Variants in ZNF484 observed in about 807,000 individuals in gnomAD.
ZNF484 encodes zinc finger protein 484, also known as KRAB box containing C2H2 type zinc finger bA526D8.4.
In ZNF484, 11 loss-of-function variants were observed where a neutral mutation model predicts 12.9. The observed-to-expected ratio is 0.85, with a 90% CI of 0.54 to 1.41. ZNF484 has a LOEUF of 1.41. Ranked by LOEUF, ZNF484 falls within the 40% of genes most tolerant of loss-of-function variation. ZNF484 has a pLI of 0.00. For synonymous variants in ZNF484, 289 were observed against 334.1 expected, an observed-to-expected ratio of 0.86 and a Z score of 1.47; for missense variants, 807 against 1,007.7, an observed-to-expected ratio of 0.80 and a Z score of 2.70.
Position 92,847,185 on chromosome 9 carries a change from G to T in ZNF484, c.1602C>A (p.Thr534=), listed in dbSNP as rs1303576803. Residue 534 remains threonine (T), a synonymous_variant, in exon 5 of 5, where the codon ACC becomes ACA. Coordinates refer to ENST00000375495, the MANE Select transcript of ZNF484 (RefSeq NM_031486.4). ...YKCSDCGKSF[T]WKSRLRIHQK... The stretch of plus-strand genomic sequence containing the variant: ...GATGTATCCTGAGCCGAGACTTCCA[G>T]GTGAATGATTTTCCACAGTCGCTGC... The T allele has an allele frequency of 6.2e-7, 1 of 1,613,592 alleles. No homozygotes were observed. Among genetic ancestry groups the T allele is most frequent in the Admixed American group, 1.7e-5 (1 of 59,990 alleles).
intron 2 of ZNF484, among the ~76,000 whole-genome samples, chr9:92,863,274 T>G (rs1587753028): frequency 1.3e-4 from 11 of 87,858 alleles, no homozygotes; most frequent in Admixed American, 1.6e-4. Context: ...TGGGGAAGGG[T>G]GGGGGGTGGG....
intron 2 of ZNF484, among the ~76,000 whole-genome samples, chr9:92,864,293 G>A (rs1174109065): frequency 6.6e-6 from 1 of 152,092 alleles, no homozygotes; most frequent in African/African-American, 2.4e-5. Flanking sequence ...AGTTTTTAAA[G>A]GAGAAGGTGT....
rs10429560 is a variant in ZNF484, at chr9:92,851,659, G to C, written c.236-3108C>G. Among the ~76,000 whole-genome samples, 1,061 of 152,314 alleles carry C rather than the reference G, an allele frequency of 7.0e-3. 10 individuals are homozygous for C. The highest frequency in any genetic ancestry group is 0.022 in the African/African-American group (898 of 41,564). ...CCCGGTGTTATGGCCATCGAAAAGG[G>C]ACTAACACACATCTTTCCATTAGTC... On this transcript the variant is annotated intron_variant, in intron 4 of 4. Coordinates refer to ENST00000375495, the MANE Select transcript of ZNF484 (RefSeq NM_031486.4).
chr9:92,846,643 G>A lies in ZNF484; in HGVS notation c.2144C>T (p.Thr715Ile). ...ATTACAAATATAGGGTTTCTCTCCT[G>A]TATGAATTCTCTGATGCATAATTAG... The part of the protein sequence containing the change: ...STLIMHQRIH[T>I]GEKPYICNEC... Residue 715 changes from threonine (T) to isoleucine (I), a missense_variant, in exon 5 of 5, where the codon ACA becomes ATA. Transcript: ENST00000375495. 1.2e-6 allele frequency: 2 copies of A among 1,613,936 alleles called. No individual in the cohort carries two copies. Among genetic ancestry groups the A allele is most frequent in the Non-Finnish European group, 1.7e-6 (2 of 1,180,002 alleles).
At chr9:92,849,375 CATTT>C (rs1855918406) in intron 4 of ZNF484, among the ~76,000 whole-genome samples, 1 of 151,708 alleles carries the variant, frequency 6.6e-6, no homozygotes. Context: ...TATAATAACT[CATTT>C]ATATATAATA....
At chr9:92,872,942 A>T (rs867155338) in intron 2 of ZNF484, among the ~76,000 whole-genome samples, 34 of 152,200 alleles carry the variant, frequency 2.2e-4, no homozygotes, top group African/African-American at 8.2e-4. Flanking sequence ...TCAACTTAGA[A>T]TTTTGGATCA....
chr9:92,851,237 G>A (rs1179265038), intron 4 of ZNF484, among the ~76,000 whole-genome samples: 2 of 152,232 alleles, frequency 1.3e-5, no homozygotes, highest in Non-Finnish European at 2.9e-5. Flanking sequence ...GTTCTATGAA[G>A]CTGGCAATGC....
At chr9:92,875,310 T>C (rs1323276) in intron 1 of ZNF484, among the ~76,000 whole-genome samples, 13,651 of 152,250 alleles carry the variant, frequency 0.09, 832 homozygotes, top group East Asian at 0.29. Context: ...TTAAATACTT[T>C]ATAAAATATC....
At chr9:92,867,286 G>T (rs111433723) in intron 2 of ZNF484, among the ~76,000 whole-genome samples, 2,023 of 152,222 alleles carry the variant, frequency 0.013, 52 homozygotes, top group African/African-American at 0.047. Flanking sequence ...AGAACCTCCT[G>T]GCTAACACAG....
chr9:92,868,095 G>A (rs1410985448), intron 2 of ZNF484, among the ~76,000 whole-genome samples: 1 of 152,132 alleles, frequency 6.6e-6, no homozygotes, highest in African/African-American at 2.4e-5. Context: ...TCACTATTCT[G>A]GAGGTCATAT....
At chr9:92,869,153 A>C (rs1008817278) in intron 2 of ZNF484, among the ~76,000 whole-genome samples, 1 of 152,074 alleles carries the variant, frequency 6.6e-6, no homozygotes, top group African/African-American at 2.4e-5. Context: ...TAAGCACTAT[A>C]TTAATGTTTA....
At chr9:92,860,216 G>A (rs1213722518) in intron 2 of ZNF484, among the ~76,000 whole-genome samples, 2 of 152,210 alleles carry the variant, frequency 1.3e-5, no homozygotes, top group African/African-American at 4.8e-5. Context: ...AGCAAGGCCT[G>A]CAGGACATTC....
Position 92,847,083 on chromosome 9 carries a change from A to T in ZNF484, c.1704T>A (p.Ser568Arg), listed in dbSNP as rs777852987. The T allele has an allele frequency of 1.9e-5, 31 of 1,613,908 alleles. No individual in the cohort carries two copies. The highest frequency in any genetic ancestry group is 1.9e-5 in the Non-Finnish European group (22 of 1,180,014). ...CCCCTCTATGAATTCTCTGGTGCAT[A>T]CTTAATGTTGACTTCTGAATGAATG... ...GKAFIQKSTL[S>R]MHQRIHRGEK... Residue 568 changes from serine to arginine, a missense_variant, in exon 5 of 5, where the codon AGT becomes AGA. By Grantham distance (110) the Ser-to-Arg change is moderately radical (BLOSUM62 -1). Transcript: ENST00000375495.
intron 4 of ZNF484, among the ~76,000 whole-genome samples, chr9:92,854,545 G>C (rs1228851409): frequency 6.6e-6 from 1 of 152,034 alleles, no homozygotes; most frequent in Non-Finnish European, 1.5e-5. Flanking sequence ...GTGAAACCCC[G>C]TCTCTACTAA....
chr9:92,865,028 C>G (rs56206629), intron 2 of ZNF484, among the ~76,000 whole-genome samples: 12,446 of 151,542 alleles, frequency 0.082, 605 homozygotes, highest in South Asian at 0.2. Context: ...CACACACACA[C>G]AGAGAGAGAG....
chr9:92,853,027 CAT>C (rs1198816451), intron 4 of ZNF484, among the ~76,000 whole-genome samples: 1 of 152,214 alleles, frequency 6.6e-6, no homozygotes, highest in Admixed American at 6.5e-5. Flanking sequence ...GAATCTGTCA[CAT>C]GTTAGATATT....
chr9:92,875,948 G>A (rs558039260), intron 1 of ZNF484, among the ~76,000 whole-genome samples: 8 of 152,274 alleles, frequency 5.3e-5, no homozygotes, highest in African/African-American at 1.9e-4. Flanking sequence ...AAATGATGTC[G>A]GAAATAGCAT....
intron 2 of ZNF484, chr9:92,862,152 G>T: frequency 5.1e-6 from 5 of 971,616 alleles, no homozygotes; most frequent in Non-Finnish European, 2.4e-6. Context: ...GCCATTGGTA[G>T]TTGAGAAAGA....
At chr9:92,865,210 CAGG>C (rs1857001020) in intron 2 of ZNF484, among the ~76,000 whole-genome samples, 1 of 152,142 alleles carries the variant, frequency 6.6e-6, no homozygotes, top group Non-Finnish European at 1.5e-5. Context: ...GAGGCCAAGG[CAGG>C]AGGATTGCTT....
Sources: allele counts gnomAD v4.1 joint callset (sites outside exome capture counted in the v4.1 genomes callset), GRCh38; gene constraint gnomAD v4.1.1; transcripts MANE v1.5; gene names NCBI Gene and HGNC (gene_info 2026-07-23, HGNC 2026-07-21).